CSMD1: variants seen among roughly 807,000 people sequenced by gnomAD.
CSMD1 encodes CUB and sushi domain-containing protein 1.
CSMD1 carries 213 observed loss-of-function variants against 417.5 expected under a neutral mutation model. The observed-to-expected ratio is 0.51, with a 90% CI of 0.46 to 0.57. CSMD1 has a LOEUF of 0.57. Ranked by LOEUF, CSMD1 falls within the 20% of genes least tolerant of loss-of-function variation. The pLI is 0.00. For missense variants in CSMD1, 6,923 were observed against 4,529.7 expected (o/e 1.53, Z -15.17); for synonymous variants, 2,862 against 1,736.8 (o/e 1.65, Z -16.11).
intron 3 of CSMD1, among the ~76,000 whole-genome samples, chr8:4,317,330 G>A (rs1163484599): frequency 6.6e-6 from 1 of 152,142 alleles, no homozygotes; most frequent in Admixed American, 6.6e-5. Flanking sequence ...AACGTGGGGT[G>A]CAGTGAAATT....
At chr8:3,765,542 A>G (rs1459160779) in intron 5 of CSMD1, among the ~76,000 whole-genome samples, 3 of 152,218 alleles carry the variant, frequency 2.0e-5, no homozygotes, top group African/African-American at 7.2e-5. Flanking sequence ...TCTTTGTAGT[A>G]TTCTGTATGC....
At chr8:4,074,526 G>C (rs947303541) in intron 3 of CSMD1, among the ~76,000 whole-genome samples, 3 of 152,024 alleles carry the variant, frequency 2.0e-5, no homozygotes, top group Non-Finnish European at 4.4e-5. Context: ...TGATATTTGA[G>C]AACATGAGCT....
rs530790396 is a variant in CSMD1, at chr8:4,276,434, T to G, written c.415+143519A>C. Among the ~76,000 whole-genome samples the G allele has an allele frequency of 5.9e-5, 9 of 152,226 alleles. 1 individual carries two copies. The South Asian group carries it at 1.9e-3, about 32-fold the overall frequency. ...GTGGGAGTTGAACAATGAGGACTCA[T>G]GGACGCTTGGAGGGGAACATCACAC... On this transcript the variant is annotated intron_variant, in intron 3 of 69. Transcript: ENST00000635120.
intron 10 of CSMD1, among the ~76,000 whole-genome samples, chr8:3,574,679 G>A (rs1444104513): frequency 6.6e-6 from 1 of 152,172 alleles, no homozygotes; most frequent in Non-Finnish European, 1.5e-5. Context: ...AGACATAAGA[G>A]AAAGCACTAT....
intron 41 of CSMD1, among the ~76,000 whole-genome samples, chr8:3,126,886 G>A (rs1024492782): frequency 6.6e-6 from 1 of 152,156 alleles, no homozygotes. Flanking sequence ...TGCAAGAGAG[G>A]CTTGCAGCAA....
Position 3,107,746 on chromosome 8 carries a change from C to A in CSMD1, c.6807G>T (p.Met2269Ile). 6.3e-7 allele frequency: 1 copy of A among 1,592,006 alleles called. No individual in the cohort carries two copies. The highest frequency in any genetic ancestry group is 8.5e-7 in the Non-Finnish European group (1 of 1,171,442). The change falls in exon 45 of 70, where the codon ATG (methionine) becomes ATT (isoleucine). Residue 2269 changes from methionine to isoleucine, a missense_variant. Transcript: ENST00000635120. ...QPPPAVPQAEMLTEDDDFEIG... is the reference protein window; with the variant it reads ...QPPPAVPQAEILTEDDDFEIG... ...TTTCGAAATCATCATCCTCAGTAAGCATTTCTGCCTGTGGAACCGCTGGGG... is the reference window on the plus strand; with the variant it reads ...TTTCGAAATCATCATCCTCAGTAAGAATTTCTGCCTGTGGAACCGCTGGGG...
In CSMD1 at chr8:4,226,069, C is replaced by CAG. The variant is rs1186280923; in HGVS notation, c.415+193883_415+193884insCT. Among the ~76,000 whole-genome samples the CAG allele has an allele frequency of 2.9e-3, 15 of 5,200 alleles. No individual in the cohort carries two copies. The South Asian group carries it at 0.037, about 13-fold the overall frequency. 3.4% of individuals were successfully genotyped at this position (5,200 alleles called of 152,430 possible). ...TGGAAGGTTAGAGCTGACAGGCGGACACACACACACACACACACACACACA... is the reference window on the plus strand; with the variant it reads ...TGGAAGGTTAGAGCTGACAGGCGGACAGACACACACACACACACACACACACA... On this transcript the variant is annotated intron_variant, in intron 3 of 69. Transcript: ENST00000635120.
intron 1 of CSMD1, among the ~76,000 whole-genome samples, chr8:4,662,141 T>C (rs940766358): frequency 2.0e-5 from 3 of 152,274 alleles, no homozygotes; most frequent in East Asian, 3.9e-4. Context: ...CAGTACAATA[T>C]ATAAATTTCA....
At chr8:3,959,175 G>C (rs868156809) in intron 5 of CSMD1, among the ~76,000 whole-genome samples, 3 of 152,178 alleles carry the variant, frequency 2.0e-5, no homozygotes, top group Non-Finnish European at 4.4e-5. Flanking sequence ...AAGTTACAGG[G>C]CATCTTTTTA....
intron 7 of CSMD1, among the ~76,000 whole-genome samples, chr8:3,634,951 C>T (rs184235216): frequency 3.3e-5 from 5 of 151,982 alleles, no homozygotes; most frequent in Admixed American, 6.6e-5. Context: ...TGTGACTGTA[C>T]TGAATAATGC....
At chr8:3,865,138 G>C (rs749546461) in intron 5 of CSMD1, among the ~76,000 whole-genome samples, 1 of 152,164 alleles carries the variant, frequency 6.6e-6, no homozygotes, top group Non-Finnish European at 1.5e-5. Context: ...TTTGTTCTGT[G>C]TGTGTTCCAG....
chr8:4,333,493 T>C (rs1287620834), intron 3 of CSMD1, among the ~76,000 whole-genome samples: 1 of 152,184 alleles, frequency 6.6e-6, no homozygotes, highest in Non-Finnish European at 1.5e-5. Context: ...AGTATGATTA[T>C]GTGTACAGCA....
At chr8:3,504,025 C>T (rs762265312) in intron 10 of CSMD1, among the ~76,000 whole-genome samples, 1 of 152,092 alleles carries the variant, frequency 6.6e-6, no homozygotes, top group Non-Finnish European at 1.5e-5. Context: ...CAGTGTTCGA[C>T]AGCACTGCAG....
At chr8:3,104,573 T>C (rs1257642835) in intron 46 of CSMD1, among the ~76,000 whole-genome samples, 2 of 152,218 alleles carry the variant, frequency 1.3e-5, no homozygotes, top group African/African-American at 2.4e-5. Context: ...TATGGATATC[T>C]GATAATAATT....
At chr8:3,566,695 C>T (rs896070806) in intron 10 of CSMD1, among the ~76,000 whole-genome samples, 3 of 152,238 alleles carry the variant, frequency 2.0e-5, no homozygotes, top group Middle Eastern at 3.4e-3. Context: ...CATCACTGAT[C>T]ATTAGAGACA....
intron 1 of CSMD1, among the ~76,000 whole-genome samples, chr8:4,811,478 A>C (rs1798905107): frequency 6.6e-6 from 1 of 152,184 alleles, no homozygotes; most frequent in African/African-American, 2.4e-5. Context: ...CAAAAAATAC[A>C]ATTTTATCAA....
chr8:4,779,780 C>CT (rs1451649897), intron 1 of CSMD1, among the ~76,000 whole-genome samples: 5 of 152,200 alleles, frequency 3.3e-5, no homozygotes, highest in Non-Finnish European at 7.3e-5. Flanking sequence ...TGCCAGAGCC[C>CT]TTTTGGCAAT....
intron 5 of CSMD1, among the ~76,000 whole-genome samples, chr8:3,814,583 T>G (rs1801271323): frequency 6.6e-6 from 1 of 152,168 alleles, no homozygotes; most frequent in South Asian, 2.1e-4. Context: ...CACCTAGTGG[T>G]AAGGCCATGG....
intron 65 of CSMD1, among the ~76,000 whole-genome samples, chr8:2,951,984 T>C (rs1419881760): frequency 5.3e-5 from 8 of 152,174 alleles, no homozygotes; most frequent in South Asian, 2.1e-4. Context: ...ACAGAATCCA[T>C]CGACAGGAAA....
Sources: allele counts gnomAD v4.1 joint callset (sites outside exome capture counted in the v4.1 genomes callset), GRCh38; gene constraint gnomAD v4.1.1; transcripts MANE v1.5; gene names NCBI Gene and HGNC (gene_info 2026-07-23, HGNC 2026-07-21).